The following GRHPR variants were observed in gnomAD, a reference collection of about 807,000 sequenced individuals.
GRHPR encodes the protein glyoxylate reductase/hydroxypyruvate reductase.
A neutral mutation model predicts 36.8 loss-of-function variants in GRHPR; 35 were observed. That is an observed-to-expected ratio of 0.95 (90% confidence interval 0.73 to 1.26). The LOEUF is 1.26. Among genes scored for constraint, GRHPR ranks in the 50% most tolerant of loss-of-function variants. The pLI is 0.00. For synonymous variants in GRHPR, 179 were observed against 181.0 expected, an observed-to-expected ratio of 0.99 and a Z score of 0.09; for missense variants, 380 against 435.0, an observed-to-expected ratio of 0.87 and a Z score of 1.12.
chr9:37,429,733 C>T lies in GRHPR; in HGVS notation c.495C>T (p.Gly165=). ...AGACATGGACTCTCCTTGCTCTAGGCCAGGCCATTGCTCGGCGTCTGAAAC... is the reference window on the plus strand; with the variant it reads ...AGACATGGACTCTCCTTGCTCTAGGTCAGGCCATTGCTCGGCGTCTGAAAC... ...TVGIIGLGRI[G]QAIARRLKPF... The change falls in exon 6 of 9, where the codon GGC becomes GGT. Residue 165 remains glycine (G), a splice_region_variant and synonymous_variant. Transcript: ENST00000318158. 5 of 1,604,914 alleles carry T rather than the reference C, an allele frequency of 3.1e-6. No individual in the cohort carries two copies. Among genetic ancestry groups the T allele is most frequent in the South Asian group, 2.2e-5 (2 of 90,916 alleles).
In GRHPR at chr9:37,425,084, G is replaced by A. The variant is rs1564296658; in HGVS notation, c.214+109G>A. ...GCAGTGCTGTCTGGGTTCTGAGGGC[G>A]TTTCCTGCGATACCAGGCCCGAGCG... On this transcript the variant is annotated intron_variant, in intron 2 of 8. Transcript: ENST00000318158. 22 of 1,141,978 alleles carry A rather than the reference G, an allele frequency of 1.9e-5. No homozygotes were observed. In the East Asian group the frequency reaches 2.4e-4, roughly 12 times the overall value. The allele number at this position is 1,141,978 out of a possible 1,614,324, so 70.7% of individuals were successfully genotyped here.
chr9:37,432,220 TG>T, intron 8 of GRHPR, 82 bp downstream of exon 8: 4 of 1,386,040 alleles, frequency 2.9e-6, no homozygotes, highest in Non-Finnish European at 4.1e-6. Flanking sequence ...GGGCCGGGTG[TG>T]GAGCTAGTGT....
chr9:37,432,627 G>A (rs762929808), intron 8 of GRHPR: 24 of 212,430 alleles, frequency 1.1e-4, no homozygotes, highest in Non-Finnish European at 1.7e-4. Flanking sequence ...GCAGTAGGCC[G>A]AGATTGTGCC....
intron 4 of GRHPR, 143 bp from the exon 5 acceptor site, chr9:37,428,341 G>T: frequency 4.2e-6 from 3 of 718,308 alleles, no homozygotes; most frequent in South Asian, 2.8e-5. Flanking sequence ...GCAGTGCCGA[G>T]TGGCAGTGCC....
At chr9:37,434,245 G>C in intron 8 of GRHPR, 1 of 410,634 alleles carries the variant, frequency 2.4e-6, no homozygotes. Context: ...GCAGCTCCAA[G>C]CAACACAGCT....
rs777890250 is a variant in GRHPR, at chr9:37,436,676, T to C, written c.881T>C (p.Ile294Thr). Reference sequence around the variant, plus strand: ...TCCTTTCCAGTGATTCTGCCCCACATTGGCAGTGCCACCCACAGAACCCGC... The same window carrying C: ...TCCTTTCCAGTGATTCTGCCCCACACTGGCAGTGCCACCCACAGAACCCGC... ...TLKNCVILPH[I>T]GSATHRTRNT... The change falls in exon 9 of 9, where the codon ATT (isoleucine) becomes ACT (threonine). Residue 294 changes from isoleucine (I) to threonine (T), a missense_variant. Transcript: ENST00000318158. 1.5e-5 allele frequency: 25 copies of C among 1,613,912 alleles called. No individual in the cohort carries two copies. The highest frequency in any genetic ancestry group is 1.6e-4 in the Middle Eastern group (1 of 6,082).
chr9:37,436,945 T>C lies in GRHPR; in HGVS notation c.*163T>C, dbSNP rs998218834. ...CTTGTCACATTGGTGTTGGACACATTTGCGCCAAAAGTATGGTAATTCTAT... is the reference window on the plus strand; with the variant it reads ...CTTGTCACATTGGTGTTGGACACATCTGCGCCAAAAGTATGGTAATTCTAT... On this transcript the variant is annotated 3_prime_UTR_variant, in exon 9 of 9. Transcript: ENST00000318158. 7 of 757,400 alleles carry C rather than the reference T, an allele frequency of 9.2e-6. No individual in the cohort carries two copies. The highest frequency in any genetic ancestry group is 8.7e-5 in the African/African-American group (5 of 57,704). The allele number at this position is 757,400 out of a possible 1,614,324, so 46.9% of individuals were successfully genotyped here.
At chr9:37,426,043 T>A (rs778679945) in intron 3 of GRHPR, 49 bp downstream of exon 3, 3 of 1,250,952 alleles carry the variant, frequency 2.4e-6, no homozygotes, top group Admixed American at 1.7e-5. Flanking sequence ...GGGGTGGCTA[T>A]GAGAGAAAGA....
chr9:37,431,090 C>G (rs780919800), intron 7 of GRHPR: 4 of 466,964 alleles, frequency 8.6e-6, no homozygotes, highest in South Asian at 6.3e-5. Context: ...CTAAAACTCA[C>G]GTGGTCGTAG....
chr9:37,431,987 T>C, intron 7 of GRHPR, 21 bp from the exon 8 acceptor site: 2 of 1,613,716 alleles, frequency 1.2e-6, no homozygotes, highest in Non-Finnish European at 1.7e-6. Context: ...GGGGTACCCA[T>C]GTCACCACTG....
chr9:37,433,832 A>G (rs1823498822), intron 8 of GRHPR: 1 of 383,304 alleles, frequency 2.6e-6, no homozygotes. Context: ...TCAGGGCCTT[A>G]GGTTGTCCGG....
chr9:37,426,531 T>C lies in GRHPR; in HGVS notation c.288-7T>C, dbSNP rs1397437767. 6.4e-7 allele frequency: 1 copy of C among 1,566,436 alleles called. No homozygotes were observed. The highest frequency in any genetic ancestry group is 8.8e-7 in the Non-Finnish European group (1 of 1,136,636). The stretch of plus-strand genomic sequence containing the variant: ...GCTGATGTTACCACCAGATGTCTGA[T>C]TCGTAGTGGGATCCGAGTTGGCTAC... On this transcript the variant is annotated splice_polypyrimidine_tract_variant and splice_region_variant and intron_variant, in intron 3 of 8. Coordinates refer to ENST00000318158, the MANE Select transcript of GRHPR (RefSeq NM_012203.2).
chr9:37,428,504 A>C lies in GRHPR; in HGVS notation c.425A>C (p.Lys142Thr). The C allele has an allele frequency of 6.2e-7, 1 of 1,611,992 alleles. No individual in the cohort carries two copies. Among genetic ancestry groups the C allele is most frequent in the South Asian group, 1.1e-5 (1 of 91,044 alleles). Residue 142 changes from lysine to threonine, a missense_variant, in exon 5 of 9, where the codon AAG becomes ACG. Physicochemically the swap from Lys to Thr is moderately conservative, Grantham distance 78 (BLOSUM62 -1). Coordinates refer to ENST00000318158, the MANE Select transcript of GRHPR (RefSeq NM_012203.2). ...CTCAGTGGTGGCTGGACCTCGTGGA[A>C]GCCCCTCTGGCTGTGTGGCTATGGA... ...EVKNGGWTSWKPLWLCGYGLT... is the reference protein window; with the variant it reads ...EVKNGGWTSWTPLWLCGYGLT...
At position 37,426,641 on chromosome 9, in the gene GRHPR, G is replaced by A. The variant is rs369339903; in HGVS notation, c.391G>A (p.Glu131Lys). Residue 131 changes from glutamate to lysine, a missense_variant, in exon 4 of 9, where the codon GAG (glutamate) becomes AAG (lysine). Physicochemically the swap from Glu to Lys is moderately conservative, Grantham distance 56 (BLOSUM62 1). Coordinates refer to ENST00000318158, the MANE Select transcript of GRHPR (RefSeq NM_012203.2). Reference protein sequence around the residue: ...TTCRRLPEAIEEVKNGGWTSW... With the variant: ...TTCRRLPEAIKEVKNGGWTSW... ...CTGCCGCCGGTTGCCGGAGGCCATC[G>A]AGGAAGTGAAGAAGTAAGTGAACGC... 6.1e-5 allele frequency: 98 copies of A among 1,606,160 alleles called. No homozygotes were observed. The African/African-American group carries it at 7.7e-4, about 13-fold the overall frequency.
intron 6 of GRHPR, 70 bp downstream of exon 6, chr9:37,429,906 G>T: frequency 1.0e-6 from 1 of 954,788 alleles, no homozygotes; most frequent in Non-Finnish European, 1.7e-6. Flanking sequence ...TCTCTCAATG[G>T]TGGCATTTTC....
chr9:37,431,234 G>A (rs950222544), intron 7 of GRHPR: 31 of 349,042 alleles, frequency 8.9e-5, no homozygotes, highest in Middle Eastern at 9.2e-4. Context: ...GGGGAAGGGG[G>A]ATTGGGTGAG....
intron 2 of GRHPR, among the ~76,000 whole-genome samples, chr9:37,425,637 G>A (rs1478394297): frequency 6.6e-6 from 1 of 152,224 alleles, no homozygotes; most frequent in African/African-American, 2.4e-5. Context: ...GAAGACCGGA[G>A]GCCTCGCTGG....
intron 7 of GRHPR, chr9:37,431,802 C>T: frequency 1.8e-6 from 1 of 540,668 alleles, no homozygotes; most frequent in Non-Finnish European, 3.4e-6. Flanking sequence ...AGACACTTGC[C>T]CAAGGTCACA....
chr9:37,428,467 C>CCT lies in GRHPR; in HGVS notation c.405-9_405-8dup. On this transcript the variant is annotated splice_polypyrimidine_tract_variant and intron_variant, in intron 4 of 8. Transcript: ENST00000318158. ...TCCAAGGCTGGGCCTCTCACCTGCC[C>CCT]CTCTCTCTCCCCTCAGTGGTGGCTG... The CCT allele has an allele frequency of 6.4e-7, 1 of 1,561,082 alleles. No homozygotes were observed. Among genetic ancestry groups the CCT allele is most frequent in the Non-Finnish European group, 8.8e-7 (1 of 1,132,818 alleles).
Sources: gnomAD v4.1 joint callset for allele counts (sites outside exome capture counted in the v4.1 genomes callset) on GRCh38, gnomAD v4.1.1 for gene constraint, MANE v1.5 for transcripts, NCBI Gene and HGNC (gene_info 2026-07-23, HGNC 2026-07-21) for gene names.